ADARB2: variants seen among roughly 807,000 people sequenced by gnomAD.
The protein encoded by ADARB2 is inactive double-stranded RNA-specific editase B2.
Under a neutral mutation model 62.2 loss-of-function variants are expected in ADARB2, and 25 were observed. The ratio of observed to expected loss-of-function variants is 0.40; its 90% CI spans 0.29 to 0.56. ADARB2 has a LOEUF of 0.56. Among genes scored for constraint, ADARB2 ranks in the 20% least tolerant of loss-of-function variants. ADARB2 has a pLI of 0.43. For synonymous variants in ADARB2, 572 were observed against 500.8 expected, an observed-to-expected ratio of 1.14 and a Z score of -1.90; for missense variants, 1,071 against 1,077.4, an observed-to-expected ratio of 0.99 and a Z score of 0.08.
At chr10:1,701,947 G>A (rs1469865741) in intron 1 of ADARB2, among the ~76,000 whole-genome samples, 3 of 152,100 alleles carry the variant, frequency 2.0e-5, no homozygotes, top group Admixed American at 6.5e-5. Context: ...ACATTCCATG[G>A]TATAGAGGCG....
chr10:1,231,505 G>C (rs1456339968), intron 6 of ADARB2, among the ~76,000 whole-genome samples: 1 of 152,128 alleles, frequency 6.6e-6, no homozygotes, highest in African/African-American at 2.4e-5. Context: ...GGGGTGCCCT[G>C]TGTGATCTTG....
chr10:1,591,931 C>T (rs576168025), intron 1 of ADARB2, among the ~76,000 whole-genome samples: 8 of 152,314 alleles, frequency 5.3e-5, no homozygotes, highest in Admixed American at 2.0e-4. Flanking sequence ...GATCGACCTC[C>T]GGCCGGCATC....
intron 1 of ADARB2, among the ~76,000 whole-genome samples, chr10:1,466,265 G>A (rs756454295): frequency 1.3e-5 from 2 of 152,228 alleles, no homozygotes; most frequent in East Asian, 1.9e-4. Flanking sequence ...CCTTGGCCAC[G>A]GCTGAAGTTC....
chr10:1,537,609 A>G (rs1188884160), intron 1 of ADARB2, among the ~76,000 whole-genome samples: 1 of 152,274 alleles, frequency 6.6e-6, no homozygotes. Context: ...TGGCATATAT[A>G]CAGCATGGAA....
chr10:1,527,814 T>C (rs965558003), intron 1 of ADARB2, among the ~76,000 whole-genome samples: 1 of 152,164 alleles, frequency 6.6e-6, no homozygotes, highest in Non-Finnish European at 1.5e-5. Context: ...GAACATCAGA[T>C]GGACGACAGG....
At chr10:1,318,365 G>A (rs1244738896) in intron 3 of ADARB2, among the ~76,000 whole-genome samples, 1 of 152,178 alleles carries the variant, frequency 6.6e-6, no homozygotes, top group Non-Finnish European at 1.5e-5. Flanking sequence ...AACACTGACA[G>A]CTCCCTGCAG....
Position 1,270,942 on chromosome 10 carries a change from A to C in ADARB2, c.1192+13T>G. On this transcript the variant is annotated intron_variant, in intron 4 of 9. Transcript: ENST00000381312. ...GAGATGAAAATGCCCACAGGAAAAG[A>C]GGAGGTGGCTACCTTTGGTCATGAC... 6.2e-7 allele frequency: 1 copy of C among 1,611,370 alleles called. No individual in the cohort carries two copies. The highest frequency in any genetic ancestry group is 1.3e-5 in the African/African-American group (1 of 75,028).
At chr10:1,557,039 A>G (rs1832714887) in intron 1 of ADARB2, 1 of 356,522 alleles carries the variant, frequency 2.8e-6, no homozygotes, top group Admixed American at 3.9e-5. Flanking sequence ...CATCACCAAA[A>G]CCTGTCCCTC....
At chr10:1,374,621 C>T (rs2131857129) in intron 2 of ADARB2, among the ~76,000 whole-genome samples, 1 of 152,258 alleles carries the variant, frequency 6.6e-6, no homozygotes, top group East Asian at 1.9e-4. Flanking sequence ...TCCCTCTGCC[C>T]GCCGTATGCA....
chr10:1,680,503 C>T (rs757949643), intron 1 of ADARB2, among the ~76,000 whole-genome samples: 1 of 152,174 alleles, frequency 6.6e-6, no homozygotes, highest in Non-Finnish European at 1.5e-5. Flanking sequence ...CCATGCACTT[C>T]CCACAGGCTG....
chr10:1,363,120 C>T lies in ADARB2; in HGVS notation c.985G>A (p.Gly329Ser). 1 of 1,543,642 alleles carries T rather than the reference C, an allele frequency of 6.5e-7. No individual in the cohort carries two copies. Among genetic ancestry groups the T allele is most frequent in the East Asian group, 2.6e-5 (1 of 38,518 alleles). Residue 329 changes from glycine to serine, a missense_variant, in exon 3 of 10, where the codon GGT (glycine) becomes AGT (serine). Gly to Ser is a moderately conservative substitution (Grantham distance 56). Coordinates refer to ENST00000381312, the MANE Select transcript of ADARB2 (RefSeq NM_018702.4). ...TGCAGTGCGGCCTGCGCGGCCTGAC[C>T]CCGGGCCAGCTTCTTGCTGCGCCCC... ...GSGRSKKLARGQAAQAALQEL... is the reference protein window; with the variant it reads ...GSGRSKKLARSQAAQAALQEL...
At chr10:1,444,279 C>CTACATCCA (rs1564290550) in intron 1 of ADARB2, among the ~76,000 whole-genome samples, 1 of 68,674 alleles carries the variant, frequency 1.5e-5, no homozygotes, top group African/African-American at 3.8e-5. Context: ...TTCCATCTAT[C>CTACATCCA]TACATCCATC....
At chr10:1,293,219 A>T in intron 3 of ADARB2, among the ~76,000 whole-genome samples, 1 of 95,962 alleles carries the variant, frequency 1.0e-5, no homozygotes, top group Non-Finnish European at 2.0e-5. Flanking sequence ...AGGGAGGGAG[A>T]GAGGGACGGG....
chr10:1,358,060 G>A (rs12770677), intron 3 of ADARB2, among the ~76,000 whole-genome samples: 30,943 of 152,212 alleles, frequency 0.2, 3,618 homozygotes, highest in Middle Eastern at 0.45. Flanking sequence ...GTAACAGAGA[G>A]AGAGACAGAC....
chr10:1,250,026 G>C (rs181684858), intron 4 of ADARB2, among the ~76,000 whole-genome samples: 2 of 108,402 alleles, frequency 1.8e-5, no homozygotes, highest in African/African-American at 5.3e-5. Context: ...AAGGACTATA[G>C]TGAATAAAAC....
chr10:1,356,871 T>C (rs1832200872), intron 3 of ADARB2, among the ~76,000 whole-genome samples: 1 of 152,214 alleles, frequency 6.6e-6, no homozygotes, highest in Admixed American at 6.5e-5. Flanking sequence ...TGAAAACCAT[T>C]AGGAAGGAAG....
At chr10:1,544,779 T>C (rs1019636849) in intron 1 of ADARB2, among the ~76,000 whole-genome samples, 31 of 152,088 alleles carry the variant, frequency 2.0e-4, no homozygotes, top group African/African-American at 7.5e-4. Context: ...ATGTCAAGTG[T>C]ACATACCACA....
chr10:1,686,122 T>C (rs1006402482), intron 1 of ADARB2, among the ~76,000 whole-genome samples: 2 of 152,252 alleles, frequency 1.3e-5, no homozygotes, highest in African/African-American at 4.8e-5. Context: ...TTTCACCTGC[T>C]TCTTCAAAAA....
intron 1 of ADARB2, among the ~76,000 whole-genome samples, chr10:1,670,225 CT>C (rs1564363346): frequency 1.3e-5 from 2 of 152,306 alleles, no homozygotes; most frequent in African/African-American, 4.8e-5. Context: ...AATTTTCATA[CT>C]AGTTTGTGTC....
Sources: gnomAD v4.1 joint callset for allele counts (sites outside exome capture counted in the v4.1 genomes callset) on GRCh38, gnomAD v4.1.1 for gene constraint, MANE v1.5 for transcripts, NCBI Gene and HGNC (gene_info 2026-07-23, HGNC 2026-07-21) for gene names.